Variants in LTBP1 observed in about 807,000 individuals in gnomAD.
The protein encoded by LTBP1 is latent transforming growth factor beta binding protein 1, also known as latent-transforming growth factor beta-binding protein 1.
A neutral mutation model predicts 207.6 loss-of-function variants in LTBP1; 129 were observed. The observed-to-expected ratio is 0.62, with a 90% CI of 0.54 to 0.72. LTBP1 has a LOEUF of 0.72. LTBP1 is among the 30% of genes least tolerant of loss of function. The probability of loss-of-function intolerance (pLI) is 0.00; values close to 1 mark genes in which losing one functional copy is unlikely to be tolerated. For synonymous variants in LTBP1, 963 were observed against 833.7 expected (o/e 1.16, Z -2.67); for missense variants, 2,281 against 2,217.2 (o/e 1.03, Z -0.58).
intron 33 of LTBP1, among the ~76,000 whole-genome samples, chr2:33,397,757 C>T (rs571219949): frequency 1.3e-4 from 20 of 150,088 alleles, no homozygotes; most frequent in Non-Finnish European, 2.8e-4. Context: ...CTCCTGACCT[C>T]GTGATCCGCC....
intron 2 of LTBP1, among the ~76,000 whole-genome samples, chr2:32,996,424 G>A (rs1270279920): frequency 6.6e-6 from 1 of 152,168 alleles, no homozygotes; most frequent in Admixed American, 6.5e-5. Flanking sequence ...TTGGGGGTTA[G>A]GATTTCAACA....
chr2:33,102,044 C>T (rs1238740661), intron 3 of LTBP1, among the ~76,000 whole-genome samples: 1 of 152,168 alleles, frequency 6.6e-6, no homozygotes, highest in African/African-American at 2.4e-5. Context: ...AGGGCCACCT[C>T]TCTGGCCTAA....
intron 31 of LTBP1, among the ~76,000 whole-genome samples, chr2:33,365,923 C>A (rs2094981282): frequency 6.6e-6 from 1 of 152,132 alleles, no homozygotes; most frequent in East Asian, 1.9e-4. Flanking sequence ...ATTTTCATGT[C>A]AATCTCTGTA....
intron 5 of LTBP1, among the ~76,000 whole-genome samples, chr2:33,157,370 T>G (rs113973197): frequency 0.017 from 2,533 of 152,348 alleles, 25 homozygotes; most frequent in East Asian, 0.027. Flanking sequence ...GAAAGCTGAT[T>G]TACCAAAGGA....
chr2:33,154,936 GC>G (rs1276431359), intron 5 of LTBP1, among the ~76,000 whole-genome samples: 12 of 152,056 alleles, frequency 7.9e-5, no homozygotes, highest in Admixed American at 5.2e-4. Flanking sequence ...GGTGGTGGGT[GC>G]CTGTAAGTCC....
At chr2:33,341,571 C>T (rs1280501279) in intron 24 of LTBP1, among the ~76,000 whole-genome samples, 3 of 151,304 alleles carry the variant, frequency 2.0e-5, no homozygotes, top group Admixed American at 6.6e-5. Context: ...ATTAGCCAGG[C>T]GTGGTGGCGA....
At chr2:33,261,331 T>C (rs2093004422) in intron 13 of LTBP1, among the ~76,000 whole-genome samples, 1 of 152,140 alleles carries the variant, frequency 6.6e-6, no homozygotes, top group Non-Finnish European at 1.5e-5. Context: ...GGGAATGGGG[T>C]GCAATTGAGA....
At chr2:33,029,358 T>C (rs1309321200) in intron 3 of LTBP1, among the ~76,000 whole-genome samples, 1 of 152,044 alleles carries the variant, frequency 6.6e-6, no homozygotes, top group African/African-American at 2.4e-5. Flanking sequence ...GTGCCTGTAA[T>C]CCCAGCTACT....
chr2:33,178,788 T>C (rs2086326289), intron 5 of LTBP1, among the ~76,000 whole-genome samples: 1 of 152,226 alleles, frequency 6.6e-6, no homozygotes. Context: ...TTGTTGATGA[T>C]AATAGTCTTG....
At chr2:33,359,213 C>T (rs1390116101) in intron 26 of LTBP1, among the ~76,000 whole-genome samples, 2 of 152,202 alleles carry the variant, frequency 1.3e-5, no homozygotes, top group Admixed American at 6.5e-5. Context: ...TATATTCTCA[C>T]TGATGCTCTG....
chr2:33,313,771 C>T (rs2094220814), intron 23 of LTBP1, among the ~76,000 whole-genome samples: 1 of 152,150 alleles, frequency 6.6e-6, no homozygotes, highest in Non-Finnish European at 1.5e-5. Context: ...GACAAACATT[C>T]ATAAGACCCT....
intron 3 of LTBP1, among the ~76,000 whole-genome samples, chr2:33,035,700 GT>G (rs2075887606): frequency 6.6e-6 from 1 of 152,168 alleles, no homozygotes; most frequent in Admixed American, 6.5e-5. Context: ...TAGGCCGTTT[GT>G]TAGAATTGAG....
intron 24 of LTBP1, among the ~76,000 whole-genome samples, chr2:33,336,926 A>C (rs1306715806): frequency 6.6e-6 from 1 of 152,238 alleles, no homozygotes; most frequent in Non-Finnish European, 1.5e-5. Context: ...GTACAGATAC[A>C]CATAGACTTT....
intron 5 of LTBP1, among the ~76,000 whole-genome samples, chr2:33,163,753 G>A (rs193244848): frequency 6.6e-6 from 1 of 152,180 alleles, no homozygotes; most frequent in East Asian, 1.9e-4. Flanking sequence ...AACATATAAG[G>A]TTTGGGGGAG....
chr2:33,164,024 A>G (rs1479221607), intron 5 of LTBP1, among the ~76,000 whole-genome samples: 7 of 152,104 alleles, frequency 4.6e-5, no homozygotes. Flanking sequence ...CACTATAAGA[A>G]CAATGATTAT....
chr2:32,975,510 A>G (rs1238592980), intron 2 of LTBP1, among the ~76,000 whole-genome samples: 7 of 145,372 alleles, frequency 4.8e-5, no homozygotes. Flanking sequence ...TCTTTCTTTC[A>G]GGGATGCCCA....
At chr2:33,005,832 C>T (rs1415571778) in intron 2 of LTBP1, among the ~76,000 whole-genome samples, 2 of 152,110 alleles carry the variant, frequency 1.3e-5, no homozygotes, top group African/African-American at 4.8e-5. Context: ...GGTGATCTGC[C>T]TGCCTTGACC....
At chr2:33,048,523 C>G (rs1187076369) in intron 3 of LTBP1, among the ~76,000 whole-genome samples, 1 of 152,182 alleles carries the variant, frequency 6.6e-6, no homozygotes, top group East Asian at 1.9e-4. Flanking sequence ...AGACATTCCA[C>G]TAAGGCTGCA....
intron 10 of LTBP1, among the ~76,000 whole-genome samples, chr2:33,244,850 G>A (rs1232343877): frequency 2.2e-5 from 3 of 138,916 alleles, no homozygotes; most frequent in Non-Finnish European, 4.6e-5. Flanking sequence ...TTTCCTGCAA[G>A]TTTTTGTTTT....
Sources: allele counts gnomAD v4.1 joint callset (sites outside exome capture counted in the v4.1 genomes callset), GRCh38; gene constraint gnomAD v4.1.1; transcripts MANE v1.5; gene names NCBI Gene and HGNC (gene_info 2026-07-23, HGNC 2026-07-21).